Variants in IGSF10 observed in about 807,000 individuals in gnomAD.
The protein encoded by IGSF10 is immunoglobulin superfamily member 10, also known as calvaria mechanical force protein 608.
In IGSF10, 126 loss-of-function variants were observed where a neutral mutation model predicts 128.2. The ratio of observed to expected loss-of-function variants is 0.98; its 90% CI spans 0.85 to 1.14. The LOEUF (loss-of-function observed/expected upper bound fraction) is 1.14. Ranked by LOEUF, IGSF10 falls within the 50% of genes most tolerant of loss-of-function variation. IGSF10 has a pLI of 0.00. For missense variants in IGSF10, 3,295 were observed against 3,149.8 expected, an observed-to-expected ratio of 1.05 and a Z score of -1.10; for synonymous variants, 1,185 against 1,146.2, an observed-to-expected ratio of 1.03 and a Z score of -0.68.
chr3:151,521,558 A>G, the IGSF10 span, among the ~76,000 whole-genome samples: 1 of 152,006 alleles, frequency 6.6e-6, no homozygotes, highest in East Asian at 1.9e-4. Context: ...TAAGAAAATC[A>G]CTCAAAACCA....
At position 151,437,390 on chromosome 3, in the gene IGSF10, C is replaced by T; in HGVS notation, c.7171G>A (p.Ala2391Thr). 1 of 1,613,950 alleles carries T rather than the reference C, an allele frequency of 6.2e-7. No individual in the cohort carries two copies. Among genetic ancestry groups the T allele is most frequent in the South Asian group, 1.1e-5 (1 of 91,078 alleles). The change falls in exon 8 of 8, where the codon GCA becomes ACA. Residue 2391 changes from alanine to threonine, a missense_variant. By Grantham distance (58) the Ala-to-Thr change is moderately conservative (BLOSUM62 0). Coordinates refer to ENST00000282466, the MANE Select transcript of IGSF10 (RefSeq NM_178822.5). ...GAAATGATAAAAGAACCATTGCTTG[C>T]TATCAGATACTGATAACTTTGTGGT... Reference protein sequence around the residue: ...NGPQSYQYLIASNGSFIISKT... With the variant: ...NGPQSYQYLITSNGSFIISKT...
the IGSF10 span, among the ~76,000 whole-genome samples, chr3:151,613,657 C>G: frequency 6.6e-6 from 1 of 152,134 alleles, no homozygotes; most frequent in Admixed American, 6.5e-5. Context: ...TTCCTTACAC[C>G]TTATACAAAA....
At chr3:151,573,046 A>G in the IGSF10 span, among the ~76,000 whole-genome samples, 1 of 152,112 alleles carries the variant, frequency 6.6e-6, no homozygotes, top group African/African-American at 2.4e-5. Flanking sequence ...GTTTTGAGTG[A>G]GTTTCTTAAT....
At chr3:151,511,202 G>T in the IGSF10 span, among the ~76,000 whole-genome samples, 5 of 152,126 alleles carry the variant, frequency 3.3e-5, no homozygotes, top group Non-Finnish European at 7.3e-5. Context: ...AAATGTTAAG[G>T]GCAGCCAGAG....
the IGSF10 span, among the ~76,000 whole-genome samples, chr3:151,497,150 C>G: frequency 3.9e-5 from 6 of 152,210 alleles, no homozygotes; most frequent in Admixed American, 3.9e-4. Flanking sequence ...ATGGTAGTTT[C>G]TTTTGCTGTG....
At chr3:151,517,921 C>A in the IGSF10 span, among the ~76,000 whole-genome samples, 1 of 151,904 alleles carries the variant, frequency 6.6e-6, no homozygotes, top group Non-Finnish European at 1.5e-5. Context: ...AAAAATATAA[C>A]CTGAAGTCCT....
At chr3:151,592,864 G>C in the IGSF10 span, among the ~76,000 whole-genome samples, 7 of 152,146 alleles carry the variant, frequency 4.6e-5, no homozygotes, top group African/African-American at 1.7e-4. Context: ...TCATGAAATA[G>C]TCACATCTAA....
chr3:151,596,370 TG>T, the IGSF10 span, among the ~76,000 whole-genome samples: 1 of 152,174 alleles, frequency 6.6e-6, no homozygotes, highest in African/African-American at 2.4e-5. Context: ...TTTATTTGCA[TG>T]CTTGACAAAG....
chr3:151,438,405 A>G lies in IGSF10; in HGVS notation c.6156T>C (p.His2052=), dbSNP rs1490345807. ...TGCAATCTACTTGGAAATCTTTCCC[A>G]TGGAGCACTTGCTTTCTAAAATACT... ...HKQYFRKQVL[H]GKDFQVDCKA... Residue 2052 remains histidine, a synonymous_variant, in exon 8 of 8, where the codon CAT becomes CAC. Transcript: ENST00000282466. 1 of 1,614,146 alleles carries G rather than the reference A, an allele frequency of 6.2e-7. No homozygotes were observed. Among genetic ancestry groups the G allele is most frequent in the Non-Finnish European group, 8.5e-7 (1 of 1,180,022 alleles).
the IGSF10 span, among the ~76,000 whole-genome samples, chr3:151,503,586 A>G: frequency 2.0e-5 from 3 of 152,206 alleles, no homozygotes; most frequent in African/African-American, 7.2e-5. Flanking sequence ...AAAGATAGGA[A>G]GAAACAAAAA....
chr3:151,528,628 G>A, the IGSF10 span, among the ~76,000 whole-genome samples: 2 of 152,192 alleles, frequency 1.3e-5, no homozygotes, highest in Admixed American at 6.5e-5. Context: ...CCCTAGCCAA[G>A]GGAAGCCATG....
the IGSF10 span, among the ~76,000 whole-genome samples, chr3:151,557,902 G>T: frequency 6.9e-6 from 1 of 145,958 alleles, no homozygotes; most frequent in Non-Finnish European, 1.5e-5. Context: ...TCACAAGTTG[G>T]GGTATAGTTT....
chr3:151,520,065 G>C, the IGSF10 span, among the ~76,000 whole-genome samples: 4 of 150,710 alleles, frequency 2.7e-5, no homozygotes, highest in East Asian at 7.7e-4. Flanking sequence ...TTTTTTTCCT[G>C]TATCCTCTCA....
At chr3:151,478,205 C>G in the IGSF10 span, among the ~76,000 whole-genome samples, 1 of 152,164 alleles carries the variant, frequency 6.6e-6, no homozygotes, top group Non-Finnish European at 1.5e-5. Context: ...CATAGGAACA[C>G]AGTCAGAAGG....
At chr3:151,616,359 T>A in the IGSF10 span, among the ~76,000 whole-genome samples, 1 of 152,234 alleles carries the variant, frequency 6.6e-6, no homozygotes, top group Non-Finnish European at 1.5e-5. Flanking sequence ...GCCAATTAAG[T>A]GTAACTTAAT....
chr3:151,531,494 A>C, the IGSF10 span, among the ~76,000 whole-genome samples: 3 of 152,242 alleles, frequency 2.0e-5, no homozygotes, highest in Admixed American at 2.0e-4. Flanking sequence ...CTCTCAGACC[A>C]CAGTGTGATC....
At chr3:151,523,716 C>G in the IGSF10 span, among the ~76,000 whole-genome samples, 2 of 152,038 alleles carry the variant, frequency 1.3e-5, no homozygotes, top group Admixed American at 1.3e-4. Context: ...GGGAGACAAC[C>G]TAGGCAATAC....
At chr3:151,567,118 T>C in the IGSF10 span, among the ~76,000 whole-genome samples, 1 of 152,172 alleles carries the variant, frequency 6.6e-6, no homozygotes, top group Non-Finnish European at 1.5e-5. Flanking sequence ...CCCTGGGCAT[T>C]TTGATCCTGT....
At chr3:151,618,452 C>T in the IGSF10 span, among the ~76,000 whole-genome samples, 29 of 152,232 alleles carry the variant, frequency 1.9e-4, no homozygotes, top group South Asian at 4.1e-4. Flanking sequence ...TACTGTTTGC[C>T]GGGCGCGGTG....
Sources: allele counts gnomAD v4.1 joint callset (sites outside exome capture counted in the v4.1 genomes callset), GRCh38; gene constraint gnomAD v4.1.1; transcripts MANE v1.5; gene names NCBI Gene and HGNC (gene_info 2026-07-23, HGNC 2026-07-21).